Variants in FRY observed in about 807,000 individuals in gnomAD.
The protein encoded by FRY is protein furry homolog.
In FRY, 128 loss-of-function variants were observed where a neutral mutation model predicts 348.4. The ratio of observed to expected loss-of-function variants is 0.37; its 90% CI spans 0.32 to 0.43. The LOEUF (loss-of-function observed/expected upper bound fraction) is 0.43. Among genes scored for constraint, FRY ranks in the 20% least tolerant of loss-of-function variants. The pLI is 1.00. For synonymous variants in FRY, 1,370 were observed against 1,374.7 expected, an observed-to-expected ratio of 1.00 and a Z score of 0.08; for missense variants, 2,736 against 3,695.2, an observed-to-expected ratio of 0.74 and a Z score of 6.73.
intron 58 of FRY, among the ~76,000 whole-genome samples, chr13:32,282,351 C>A (rs2080178374): frequency 6.6e-6 from 1 of 152,154 alleles, no homozygotes; most frequent in South Asian, 2.1e-4. Flanking sequence ...TTATAACTTG[C>A]AGAATCTATG....
chr13:32,045,055 T>C (rs1872950610), intron 1 of FRY, among the ~76,000 whole-genome samples: 1 of 152,216 alleles, frequency 6.6e-6, no homozygotes, highest in African/African-American at 2.4e-5. Context: ...AAGGCCAATT[T>C]TCACTATTTT....
chr13:32,201,534 A>G (rs1477324154), intron 29 of FRY, among the ~76,000 whole-genome samples: 1 of 152,260 alleles, frequency 6.6e-6, no homozygotes, highest in African/African-American at 2.4e-5. Flanking sequence ...TAAATTTAGA[A>G]GAATCAAATG....
intron 53 of FRY, among the ~76,000 whole-genome samples, chr13:32,264,297 C>T (rs1040147266): frequency 5.3e-5 from 8 of 152,062 alleles, no homozygotes; most frequent in Non-Finnish European, 2.9e-5. Context: ...CAGTATTTAC[C>T]AGCAATTCCT....
chr13:32,092,770 C>A (rs899420672), intron 2 of FRY, among the ~76,000 whole-genome samples: 7 of 152,090 alleles, frequency 4.6e-5, no homozygotes, highest in African/African-American at 1.7e-4. Context: ...GGTGAGGTAT[C>A]TCTGAGATTT....
At chr13:32,204,466 A>G (rs937121260) in intron 31 of FRY, among the ~76,000 whole-genome samples, 3 of 152,080 alleles carry the variant, frequency 2.0e-5, no homozygotes, top group East Asian at 1.9e-4. Flanking sequence ...GGGGCAGGGG[A>G]AAAAAAGCTC....
At chr13:32,055,334 T>G (rs941026894) in intron 1 of FRY, among the ~76,000 whole-genome samples, 3 of 152,178 alleles carry the variant, frequency 2.0e-5, no homozygotes, top group African/African-American at 4.8e-5. Flanking sequence ...TGAGCCACCA[T>G]GCCTGGCCTA....
At chr13:32,038,295 G>A (rs1872622782) in intron 1 of FRY, 1 of 152,124 alleles carries the variant, frequency 6.6e-6, no homozygotes, top group East Asian at 1.9e-4. Context: ...ATATAGCTTG[G>A]TATTTATCAC....
intron 12 of FRY, 51 bp from the exon 13 acceptor site, chr13:32,147,788 C>A: frequency 1.0e-6 from 1 of 989,448 alleles, no homozygotes; most frequent in Non-Finnish European, 1.6e-6. Context: ...CCTTAAAGAA[C>A]TGGAGCTCAG....
In FRY at chr13:32,131,653, A is replaced by T. The variant is rs957931723; in HGVS notation, c.717-19A>T. The T allele has an allele frequency of 1.2e-6, 2 of 1,601,972 alleles. No homozygotes were observed. The highest frequency in any genetic ancestry group is 1.7e-6 in the Non-Finnish European group (2 of 1,170,234). ...TTTCCTACCCAATATTTGATAAACC[A>T]CTTATGTTATCTTCTTAGATTCCCT... On this transcript the variant is annotated intron_variant, in intron 7 of 60. Coordinates refer to ENST00000542859, the MANE Select transcript of FRY (RefSeq NM_023037.3).
chr13:32,144,485 A>G (rs1452588676), intron 11 of FRY, among the ~76,000 whole-genome samples: 2 of 151,914 alleles, frequency 1.3e-5, no homozygotes, highest in Non-Finnish European at 2.9e-5. Flanking sequence ...AATGTAGAAC[A>G]GACCTAAATG....
chr13:32,137,368 C>T (rs7334889), intron 11 of FRY, among the ~76,000 whole-genome samples: 2 of 152,148 alleles, frequency 1.3e-5, no homozygotes, highest in African/African-American at 4.8e-5. Context: ...TCTATCCCCT[C>T]CAGTCTAGAA....
intron 35 of FRY, 64 bp from the exon 36 acceptor site, chr13:32,218,677 CAAAAAAAA>C: frequency 3.5e-6 from 2 of 573,448 alleles, no homozygotes; most frequent in Non-Finnish European, 5.9e-6. Flanking sequence ...GACTCCAACT[CAAAAAAAA>C]AAAAAAAAAA....
intron 2 of FRY, among the ~76,000 whole-genome samples, chr13:32,086,711 GA>G (rs1875886369): frequency 6.6e-6 from 1 of 151,830 alleles, no homozygotes; most frequent in Non-Finnish European, 1.5e-5. Flanking sequence ...TTGAAACCTG[GA>G]AAAACGAAAA....
At position 32,201,978 on chromosome 13, in the gene FRY, G is replaced by T; in HGVS notation, c.3784G>T (p.Val1262Phe). Reference sequence around the variant, plus strand: ...CGACATAGTGACATTGTTAAACCTTGTTCTATTCAAGGCCTCTGACACCAA... The same window carrying T: ...CGACATAGTGACATTGTTAAACCTTTTTCTATTCAAGGCCTCTGACACCAA... ...PFDIVTLLNL[V>F]LFKASDTNRE... is the part of the protein sequence containing the mutation. Residue 1262 changes from valine (V) to phenylalanine (F), a missense_variant, in exon 30 of 61, where the codon GTT becomes TTT. Transcript: ENST00000542859. 6.2e-7 allele frequency: 1 copy of T among 1,606,324 alleles called. No individual in the cohort carries two copies. The highest frequency in any genetic ancestry group is 8.5e-7 in the Non-Finnish European group (1 of 1,173,082).
intron 47 of FRY, among the ~76,000 whole-genome samples, chr13:32,245,112 G>A (rs1353111987): frequency 6.6e-6 from 1 of 151,978 alleles, no homozygotes; most frequent in Non-Finnish European, 1.5e-5. Context: ...ACCACGCCCG[G>A]CTAATTTTTG....
chr13:32,256,256 G>A (rs1277318453), intron 51 of FRY, among the ~76,000 whole-genome samples: 1 of 152,090 alleles, frequency 6.6e-6, no homozygotes, highest in East Asian at 1.9e-4. Context: ...GAAACTGGCT[G>A]GGCACAGTGG....
At chr13:32,078,694 C>T in intron 1 of FRY, 140 bp from the exon 2 acceptor site, 1 of 744,518 alleles carries the variant, frequency 1.3e-6, no homozygotes, top group Non-Finnish European at 2.4e-6. Flanking sequence ...ACACCATTTC[C>T]AAAGAATAAG....
rs139030842 is a variant in FRY, at chr13:32,139,526, T to C, written c.1179+2554T>C. 5.4e-3 allele frequency among the ~76,000 whole-genome samples: 820 copies of C among 152,342 alleles called. 5 individuals are homozygous for C. Among genetic ancestry groups the C allele is most frequent in the African/African-American group, 0.019 (783 of 41,570 alleles). ...AGCGTGAAAACCTGCCCACTTTCAA[T>C]GTAAACAAGCTCTCAGGGTCAACAC... On this transcript the variant is annotated intron_variant, in intron 11 of 60. Coordinates refer to ENST00000542859, the MANE Select transcript of FRY (RefSeq NM_023037.3).
intron 4 of FRY, among the ~76,000 whole-genome samples, chr13:32,121,138 T>C (rs975726473): frequency 2.0e-5 from 3 of 152,234 alleles, no homozygotes; most frequent in Non-Finnish European, 2.9e-5. Context: ...TTCGATCATA[T>C]ATATATACCA....
Sources: gnomAD v4.1 joint callset for allele counts (sites outside exome capture counted in the v4.1 genomes callset) on GRCh38, gnomAD v4.1.1 for gene constraint, MANE v1.5 for transcripts, NCBI Gene and HGNC (gene_info 2026-07-23, HGNC 2026-07-21) for gene names.